FMNL1: variants seen among roughly 807,000 people sequenced by gnomAD.
FMNL1 encodes the protein formin like 1.
In FMNL1, 43 loss-of-function variants were observed where a neutral mutation model predicts 121.3. That is an observed-to-expected ratio of 0.35 (90% CI 0.28 to 0.46). The LOEUF is 0.46. Ranked by LOEUF, FMNL1 falls within the 20% of genes least tolerant of loss-of-function variation. The pLI is 1.00. For synonymous variants in FMNL1, 613 were observed against 613.5 expected (o/e 1.00, Z 0.01); for missense variants, 1,191 against 1,482.4 (o/e 0.80, Z 3.23).
In FMNL1 at chr17:45,237,712, G is replaced by A. The variant is rs2043582628; in HGVS notation, c.894+73G>A. ...TTGGAGTCTTGTTGTTGGCAGTTGT[G>A]GCCTTTGCTGGAGGCAGCTGGGGAC... On this transcript the variant is annotated intron_variant, in intron 9 of 26. Coordinates refer to ENST00000331495, the MANE Select transcript of FMNL1 (RefSeq NM_005892.4). The surrounding 1 kb of genome is among the most constrained non-coding windows in gnomAD (Gnocchi z 4.4). 1 of 1,544,222 alleles carries A rather than the reference G, an allele frequency of 6.5e-7. No individual in the cohort carries two copies.
rs559602043 is a variant in FMNL1 at position 45,238,785 on chromosome 17, A to AG, written c.969+152dup. Reference sequence around the variant, plus strand: ...CAGTAGGGGAAGGGTGGATGTTGGCAGGGGGCTGGATTGAGGGAACATGGA... The same window carrying AG: ...CAGTAGGGGAAGGGTGGATGTTGGCAGGGGGGCTGGATTGAGGGAACATGGA... On this transcript the variant is annotated intron_variant, in intron 10 of 26. Transcript: ENST00000331495. The AG allele has an allele frequency of 7.4e-4, 861 of 1,157,954 alleles. 5 individuals are homozygous for AG. In the African/African-American group the frequency reaches 0.011, roughly 15 times the overall value. 71.7% of individuals were successfully genotyped at this position (1,157,954 alleles called of 1,614,324 possible).
Position 45,225,662 on chromosome 17 carries a change from A to G in FMNL1, c.129+3409A>G, listed in dbSNP as rs565757286. Among the ~76,000 whole-genome samples, 115 of 152,216 alleles carry G rather than the reference A, an allele frequency of 7.6e-4. 1 individual carries two copies. In the Middle Eastern group the frequency reaches 0.024, roughly 32 times the overall value. ...CTACCTCTGCCTTTTTCCTGGGAACATGGAGCCCTGGAAGGTGGCTTGGGG... is the reference window on the plus strand; with the variant it reads ...CTACCTCTGCCTTTTTCCTGGGAACGTGGAGCCCTGGAAGGTGGCTTGGGG... On this transcript the variant is annotated intron_variant, in intron 1 of 26. Transcript: ENST00000331495.
At chr17:45,222,662 C>G (rs1173251530) in intron 1 of FMNL1, among the ~76,000 whole-genome samples, 1 of 152,186 alleles carries the variant, frequency 6.6e-6, no homozygotes, top group African/African-American at 2.4e-5. Flanking sequence ...AGGGTTACAA[C>G]CTCCCGGGAG....
intron 3 of FMNL1, among the ~76,000 whole-genome samples, chr17:45,232,705 C>T (rs919409834): frequency 6.6e-6 from 1 of 152,080 alleles, no homozygotes; most frequent in Non-Finnish European, 1.5e-5. Flanking sequence ...TGGACACATT[C>T]TGTGTACTTA....
intron 3 of FMNL1, 59 bp downstream of exon 3, chr17:45,232,539 G>A: frequency 6.6e-7 from 1 of 1,516,448 alleles, no homozygotes; most frequent in Non-Finnish European, 9.1e-7. Context: ...GCTCTGGGCA[G>A]CTGGAGTAAC....
At chr17:45,238,828 G>C in intron 10 of FMNL1, 127 bp from the exon 11 acceptor site, 1 of 1,083,538 alleles carries the variant, frequency 9.2e-7, no homozygotes, top group South Asian at 1.4e-5. Context: ...TGTTGGGCAG[G>C]CCAAGGCTGG....
At chr17:45,242,951 C>G (rs2043742448) in intron 16 of FMNL1, among the ~76,000 whole-genome samples, 167 bp from the exon 17 acceptor site, 1 of 152,248 alleles carries the variant, frequency 6.6e-6, no homozygotes, top group African/African-American at 2.4e-5. Context: ...TCCAGGCTCC[C>G]TGTGCTTCCC....
rs776935088 is a variant in FMNL1, at chr17:45,241,623, C to T, written c.1574C>T (p.Ser525Phe). ...CCGACTCCGGGGGTGCCGACCGGCTCCCCCAGCCCAGGTGCGCAGGAGCTT... is the reference window on the plus strand; with the variant it reads ...CCGACTCCGGGGGTGCCGACCGGCTTCCCCAGCCCAGGTGCGCAGGAGCTT... Reference protein sequence around the residue: ...DAPTPGVPTGSPSPDLAPAAE... With the variant: ...DAPTPGVPTGFPSPDLAPAAE... The change falls in exon 14 of 27, where the codon TCC becomes TTC. Residue 525 changes from serine (S) to phenylalanine (F), a missense_variant. By Grantham distance (155) the Ser-to-Phe change is radical (BLOSUM62 -2). Coordinates refer to ENST00000331495, the MANE Select transcript of FMNL1 (RefSeq NM_005892.4). This position sits in a 1 kb window ranked among gnomAD's most constrained non-coding sequence, Gnocchi z 7.0. 8.6e-6 allele frequency: 13 copies of T among 1,513,286 alleles called. No individual in the cohort carries two copies. In the Admixed American group the frequency reaches 1.2e-4, roughly 14 times the overall value. The allele number at this position is 1,513,286 out of a possible 1,614,324, so 93.7% of individuals were successfully genotyped here. A position where few individuals can be genotyped will look rare whatever the true frequency, so the allele number is the denominator to read the frequency against.
Position 45,222,291 on chromosome 17 carries a change from G to C in FMNL1, c.129+38G>C, listed in dbSNP as rs1460341530. On this transcript the variant is annotated intron_variant, in intron 1 of 26. Coordinates refer to ENST00000331495, the MANE Select transcript of FMNL1 (RefSeq NM_005892.4). ...CGGAGGCGGGTCGGGCGCGGGCGGG[G>C]GGCGGCAGGGGCGCGGCAGGGGCTG... The C allele has an allele frequency of 2.6e-6, 3 of 1,159,214 alleles. No homozygotes were observed. The African/African-American group carries it at 4.9e-5, about 19-fold the overall frequency. 71.8% of individuals were successfully genotyped at this position (1,159,214 alleles called of 1,614,324 possible). A position where few individuals can be genotyped will look rare whatever the true frequency, so the allele number is the denominator to read the frequency against.
intron 2 of FMNL1, among the ~76,000 whole-genome samples, chr17:45,232,028 G>C (rs2043449298): frequency 6.6e-6 from 1 of 152,200 alleles, no homozygotes; most frequent in Non-Finnish European, 1.5e-5. Flanking sequence ...CCCGATGCTA[G>C]CTGGGCGTGG....
chr17:45,223,385 C>G (rs1303085641), intron 1 of FMNL1, among the ~76,000 whole-genome samples: 1 of 152,220 alleles, frequency 6.6e-6, no homozygotes, highest in Non-Finnish European at 1.5e-5. Flanking sequence ...GCTAGATCCT[C>G]AGCATGGCTC....
Position 45,242,360 on chromosome 17 carries a change from C to G in FMNL1, c.1905C>G (p.Pro635=). ...ELGPGVKAKK[P]IQTKFRMPLL... is the part of the protein sequence containing the mutation. ...TCCCAGGAGTGAAGGCCAAGAAGCC[C>G]ATCCAGACTAAGTTCCGAATGCCAC... The change falls in exon 16 of 27, where the codon CCC becomes CCG. Residue 635 remains proline (P), a synonymous_variant. Transcript: ENST00000331495. 1 of 1,614,066 alleles carries G rather than the reference C, an allele frequency of 6.2e-7. No homozygotes were observed. The highest frequency in any genetic ancestry group is 1.1e-5 in the South Asian group (1 of 91,072).
rs139297563 is a variant in FMNL1, at chr17:45,240,622, G to A, written c.1227G>A (p.Ala409=). Residue 409 remains alanine (A), a synonymous_variant, in exon 12 of 27, where the codon GCG becomes GCA. Transcript: ENST00000331495. ...EHMEELQEQV[A]LLTERLRDAE... ...TGGAGGAACTGCAGGAGCAAGTGGC[G>A]CTGGTGAGAGTGGGTCCTGACCCCA... 34 of 1,612,826 alleles carry A rather than the reference G, an allele frequency of 2.1e-5. No individual in the cohort carries two copies. Among genetic ancestry groups the A allele is most frequent in the Admixed American group, 1.5e-4 (9 of 59,928 alleles).
intron 11 of FMNL1, among the ~76,000 whole-genome samples, chr17:45,240,053 A>G (rs1177063246): frequency 6.6e-6 from 1 of 152,212 alleles, no homozygotes; most frequent in Non-Finnish European, 1.5e-5. Context: ...AGCCTCCCAC[A>G]GTGCTGGGAT....
chr17:45,233,906 G>T lies in FMNL1; in HGVS notation c.486-166G>T. 1 of 1,318,454 alleles carries T rather than the reference G, an allele frequency of 7.6e-7. No individual in the cohort carries two copies. The highest frequency in any genetic ancestry group is 1.0e-6 in the Non-Finnish European group (1 of 973,558). The allele number at this position is 1,318,454 out of a possible 1,614,324, so 81.7% of individuals were successfully genotyped here. A position where few individuals can be genotyped will look rare whatever the true frequency, so the allele number is the denominator to read the frequency against. The stretch of plus-strand genomic sequence containing the variant: ...AGAAGGCCTGCCCCCGACAGGGAGG[G>T]GTGGCCTCTCTTCCACCACTATGTT... On this transcript the variant is annotated intron_variant, in intron 5 of 26. Transcript: ENST00000331495. This position sits in a 1 kb window ranked among gnomAD's most constrained non-coding sequence, Gnocchi z 4.1.
chr17:45,232,351 C>T lies in FMNL1; in HGVS notation c.214-16C>T. 1.9e-6 allele frequency: 3 copies of T among 1,612,430 alleles called. No individual in the cohort carries two copies. The highest frequency in any genetic ancestry group is 2.5e-6 in the Non-Finnish European group (3 of 1,178,794). On this transcript the variant is annotated splice_polypyrimidine_tract_variant and intron_variant, in intron 2 of 26. Coordinates refer to ENST00000331495, the MANE Select transcript of FMNL1 (RefSeq NM_005892.4). Reference sequence around the variant, plus strand: ...GCTCTGGCTGGTTTTCTGTACACCCCATTCCATCTCCCCAGGAGCGGTTTC... The same window carrying T: ...GCTCTGGCTGGTTTTCTGTACACCCTATTCCATCTCCCCAGGAGCGGTTTC...
rs2043428340 is a variant in FMNL1 at position 45,231,162 on chromosome 17, A to G, written c.213+475A>G. On this transcript the variant is annotated intron_variant, in intron 2 of 26. Coordinates refer to ENST00000331495, the MANE Select transcript of FMNL1 (RefSeq NM_005892.4). This position sits in a 1 kb window ranked among gnomAD's most constrained non-coding sequence, Gnocchi z 4.7. ...AACTCCCCAAGGCCAGCCACTTTGG[A>G]CCCCTGCTTTGGTGCTCCGTCCAGG... Among the ~76,000 whole-genome samples, 1 of 152,056 alleles carries G rather than the reference A, an allele frequency of 6.6e-6. No homozygotes were observed. The highest frequency in any genetic ancestry group is 1.5e-5 in the Non-Finnish European group (1 of 68,008).
chr17:45,242,920 C>T (rs193008844), intron 16 of FMNL1, among the ~76,000 whole-genome samples, 198 bp from the exon 17 acceptor site: 5 of 152,220 alleles, frequency 3.3e-5, no homozygotes, highest in East Asian at 1.9e-4. Flanking sequence ...CTGGATCCCC[C>T]GGGTTAGGCG....
At position 45,245,753 on chromosome 17, in the gene FMNL1, G is replaced by C; in HGVS notation, c.2994+20G>C. The C allele has an allele frequency of 1.2e-6, 2 of 1,613,770 alleles. No homozygotes were observed. The highest frequency in any genetic ancestry group is 1.7e-6 in the Non-Finnish European group (2 of 1,179,764). ...TACAAGGTATTCGGGTCTGGGGCAG[G>C]CTGGGAGCCCTGTAGGGCACTGAAG... On this transcript the variant is annotated intron_variant, in intron 23 of 26. Transcript: ENST00000331495.
Sources: gnomAD v4.1 joint callset for allele counts (sites outside exome capture counted in the v4.1 genomes callset) on GRCh38, gnomAD v4.1.1 for gene constraint, Gnocchi (gnomAD v3.1) non-coding constraint, MANE v1.5 for transcripts, NCBI Gene and HGNC (gene_info 2026-07-23, HGNC 2026-07-21) for gene names.